The following FILIP1L variants were observed in gnomAD, a reference collection of about 807,000 sequenced individuals.
FILIP1L encodes the protein filamin A-interacting protein 1-like.
A neutral mutation model predicts 96.6 loss-of-function variants in FILIP1L; 55 were observed. The observed-to-expected ratio is 0.57, with a 90% confidence interval of 0.46 to 0.71. The LOEUF (loss-of-function observed/expected upper bound fraction) is 0.71. Ranked by LOEUF, FILIP1L falls within the 30% of genes least tolerant of loss-of-function variation. The pLI, the probability that FILIP1L is intolerant of heterozygous loss-of-function variation, is 0.00. For synonymous variants in FILIP1L, 467 were observed against 473.9 expected, an observed-to-expected ratio of 0.99 and a Z score of 0.19; for missense variants, 1,304 against 1,321.2, an observed-to-expected ratio of 0.99 and a Z score of 0.20.
chr3:99,955,153 A>G (rs1220655006), intron 1 of FILIP1L, among the ~76,000 whole-genome samples: 1 of 152,220 alleles, frequency 6.6e-6, no homozygotes, highest in Admixed American at 6.5e-5. Flanking sequence ...CTATGGCTGT[A>G]TCATTCTAGC....
chr3:99,984,060 T>TGTGTGTGTGTGTGTGTGTG (rs1559714079), intron 1 of FILIP1L, among the ~76,000 whole-genome samples: 4 of 25,020 alleles, frequency 1.6e-4, no homozygotes, highest in Admixed American at 8.2e-4. Context: ...GTATGTGTGT[T>TGTGTGTGTGTGTGTGTGTG]TGTGTGTGTG....
intron 1 of FILIP1L, among the ~76,000 whole-genome samples, chr3:100,058,824 A>G (rs2065509883): frequency 6.6e-6 from 1 of 152,244 alleles, no homozygotes. Flanking sequence ...CCACAGTTTC[A>G]TATGTGAAGT....
rs570555872 is a variant in FILIP1L, at chr3:99,930,760, C to G, written c.252+9G>C. The G allele has an allele frequency of 2.4e-5, 39 of 1,612,628 alleles. No individual in the cohort carries two copies. The African/African-American group carries it at 5.2e-4, about 22-fold the overall frequency. ...GAAGCATGATGGGGATAACTCCAAC[C>G]CAGCTGACCTGCAGTTCTCCCTCCA... On this transcript the variant is annotated intron_variant, in intron 2 of 5. Coordinates refer to ENST00000477258, the MANE Select transcript of FILIP1L (RefSeq NM_001387850.1).
intron 4 of FILIP1L, among the ~76,000 whole-genome samples, chr3:99,863,757 A>G (rs1459960736): frequency 1.3e-5 from 2 of 152,214 alleles, no homozygotes; most frequent in East Asian, 3.8e-4. Context: ...CTCTTACCAC[A>G]TCGTTCATCT....
intron 1 of FILIP1L, among the ~76,000 whole-genome samples, chr3:99,946,424 T>C (rs1444142749): frequency 2.0e-5 from 3 of 152,246 alleles, no homozygotes; most frequent in Admixed American, 2.0e-4. Context: ...GTCTTTTCTG[T>C]GTGGCTGCTA....
At position 99,848,311 on chromosome 3, in the gene FILIP1L, C is replaced by G; in HGVS notation, c.3365G>C (p.Arg1122Pro). 6.2e-7 allele frequency: 1 copy of G among 1,613,872 alleles called. No homozygotes were observed. The highest frequency in any genetic ancestry group is 8.5e-7 in the Non-Finnish European group (1 of 1,179,936). ...ATTACTTACTGTAATTTGTGATTGT[C>G]GAGGAAGAGGTGTGGCTGTTGGTGT... The part of the protein sequence containing the change: ...TITPTATPLP[R>P]QSQITIKEVC... The change falls in exon 5 of 6, where the codon CGA becomes CCA. Residue 1122 changes from arginine (R) to proline (P), a missense_variant. Transcript: ENST00000477258.
intron 1 of FILIP1L, among the ~76,000 whole-genome samples, chr3:99,977,432 G>A (rs562693116): frequency 1.3e-5 from 2 of 152,078 alleles, no homozygotes; most frequent in African/African-American, 4.8e-5. Context: ...GTATGCTGGG[G>A]GCCTATGGGC....
intron 4 of FILIP1L, among the ~76,000 whole-genome samples, chr3:99,877,675 C>T (rs1253840120): frequency 6.6e-6 from 1 of 152,090 alleles, no homozygotes; most frequent in Non-Finnish European, 1.5e-5. Flanking sequence ...ACTCTTCTGC[C>T]CTATACTTGT....
Position 100,054,885 on chromosome 3 carries a change from A to G in FILIP1L, c.-11+59168T>C, listed in dbSNP as rs144097201. 2.4e-3 allele frequency among the ~76,000 whole-genome samples: 369 copies of G among 152,306 alleles called. 1 individual carries two copies. The highest frequency in any genetic ancestry group is 8.4e-3 in the African/African-American group (347 of 41,556). On this transcript the variant is annotated intron_variant, in intron 1 of 5. Transcript: ENST00000477258. The stretch of plus-strand genomic sequence containing the variant: ...TGTTCAGAAGTATGAGGTCATTTCA[A>G]ATTTAGTCTCATGTTATTCTGTTAA...
chr3:99,835,459 G>A (rs1942857962), intron 5 of FILIP1L, among the ~76,000 whole-genome samples: 1 of 152,168 alleles, frequency 6.6e-6, no homozygotes, highest in African/African-American at 2.4e-5. Context: ...TGGCTACCAG[G>A]TGCCTTTATT....
chr3:99,859,557 C>T (rs1944137939), intron 4 of FILIP1L, among the ~76,000 whole-genome samples: 1 of 152,196 alleles, frequency 6.6e-6, no homozygotes, highest in African/African-American at 2.4e-5. Flanking sequence ...ACATCACACT[C>T]CTTTATTTAT....
chr3:100,092,997 T>C (rs933170719), intron 1 of FILIP1L, among the ~76,000 whole-genome samples: 8 of 152,072 alleles, frequency 5.3e-5, no homozygotes, highest in African/African-American at 1.9e-4. Context: ...AAAGGTTCCA[T>C]AAATTGAGAA....
At chr3:99,922,164 GTA>G (rs1707145732) in intron 4 of FILIP1L, among the ~76,000 whole-genome samples, 1 of 152,206 alleles carries the variant, frequency 6.6e-6, no homozygotes, top group African/African-American at 2.4e-5. Flanking sequence ...ACCGTGATCA[GTA>G]AATGTTCATA....
chr3:99,954,360 T>C (rs193045181), intron 1 of FILIP1L, among the ~76,000 whole-genome samples: 49 of 152,304 alleles, frequency 3.2e-4, no homozygotes, highest in African/African-American at 1.2e-3. Context: ...TCTCACATAA[T>C]AATCCAGCCA....
intron 1 of FILIP1L, among the ~76,000 whole-genome samples, chr3:99,981,504 A>G (rs181861179): frequency 6.6e-6 from 1 of 152,316 alleles, no homozygotes; most frequent in East Asian, 1.9e-4. Flanking sequence ...TGATACAATG[A>G]TACATGATAA....
intron 1 of FILIP1L, among the ~76,000 whole-genome samples, chr3:100,056,231 G>T (rs1244607050): frequency 1.3e-5 from 2 of 152,130 alleles, no homozygotes; most frequent in African/African-American, 2.4e-5. Flanking sequence ...CCCTGGCTAG[G>T]AACCAAGTCT....
At chr3:99,972,126 C>T (rs35777905) in intron 1 of FILIP1L, among the ~76,000 whole-genome samples, 18,442 of 152,144 alleles carry the variant, frequency 0.12, 1,495 homozygotes, top group Non-Finnish European at 0.18. Context: ...ATATTGCAGA[C>T]ATATAAAAAT....
chr3:99,836,274 T>C (rs1383704875), intron 5 of FILIP1L, among the ~76,000 whole-genome samples: 1 of 152,028 alleles, frequency 6.6e-6, no homozygotes, highest in Non-Finnish European at 1.5e-5. Flanking sequence ...GAGTGGAGGA[T>C]GAGCAGAGAA....
intron 1 of FILIP1L, among the ~76,000 whole-genome samples, chr3:100,028,904 G>GAC (rs202126886): frequency 1.3e-5 from 2 of 151,972 alleles, no homozygotes; most frequent in African/African-American, 2.4e-5. Context: ...CACACACAAA[G>GAC]ACACACACAC....
Sources: gnomAD v4.1 joint callset for allele counts (sites outside exome capture counted in the v4.1 genomes callset) on GRCh38, gnomAD v4.1.1 for gene constraint, MANE v1.5 for transcripts, NCBI Gene and HGNC (gene_info 2026-07-23, HGNC 2026-07-21) for gene names.